Variants in TTC7B observed in about 807,000 individuals in gnomAD.
TTC7B encodes tetratricopeptide repeat domain 7B.
TTC7B carries 28 observed loss-of-function variants against 106.8 expected under a neutral mutation model. The observed-to-expected ratio is 0.26, with a 90% CI of 0.19 to 0.36. TTC7B has a LOEUF of 0.36. Ranked by LOEUF, TTC7B falls within the 10% of genes least tolerant of loss-of-function variation. The pLI is 1.00. For missense variants in TTC7B, 862 were observed against 1,076.4 expected (o/e 0.80, Z 2.79); for synonymous variants, 405 against 430.6 (o/e 0.94, Z 0.74).
At chr14:90,783,622 G>C (rs1309532691) in intron 2 of TTC7B, among the ~76,000 whole-genome samples, 1 of 152,170 alleles carries the variant, frequency 6.6e-6, no homozygotes, top group Non-Finnish European at 1.5e-5. Flanking sequence ...ACTGGACTCA[G>C]ACTCAAGCAT....
At chr14:90,687,115 A>G (rs919039083) in intron 7 of TTC7B, among the ~76,000 whole-genome samples, 3 of 152,172 alleles carry the variant, frequency 2.0e-5, no homozygotes, top group Non-Finnish European at 4.4e-5. Flanking sequence ...AAATGTTCCA[A>G]TCATGGCGAT....
At chr14:90,587,822 C>A (rs1028331102) in intron 18 of TTC7B, among the ~76,000 whole-genome samples, 3 of 152,174 alleles carry the variant, frequency 2.0e-5, no homozygotes, top group African/African-American at 7.2e-5. Context: ...GGTTCTGGGG[C>A]CACACTGCTT....
chr14:90,603,441 T>C, intron 17 of TTC7B: 1 of 495,038 alleles, frequency 2.0e-6, no homozygotes, highest in East Asian at 7.4e-5. Flanking sequence ...ATATTTCCAT[T>C]CAAGAGTGGC....
chr14:90,779,862 G>A lies in TTC7B; in HGVS notation c.445+876C>T, dbSNP rs147361815. Among the ~76,000 whole-genome samples, 20 of 152,290 alleles carry A rather than the reference G, an allele frequency of 1.3e-4. 1 individual carries two copies. In the East Asian group the frequency reaches 3.9e-3, roughly 29 times the overall value. ...CTTCATGGCAGTGAGATATTTACAC[G>A]TTCTTCTTGTCCCTGAATAGGTACA... is the stretch of plus-strand genomic sequence containing the variant. On this transcript the variant is annotated intron_variant, in intron 3 of 19. Coordinates refer to ENST00000328459, the MANE Select transcript of TTC7B (RefSeq NM_001010854.2).
chr14:90,640,075 T>C (rs1171620846), intron 15 of TTC7B, among the ~76,000 whole-genome samples: 1 of 152,144 alleles, frequency 6.6e-6, no homozygotes, highest in Non-Finnish European at 1.5e-5. Context: ...GCTCAGGAGT[T>C]TGAGCCCAGC....
intron 3 of TTC7B, among the ~76,000 whole-genome samples, chr14:90,760,717 T>G (rs541205184): frequency 1.3e-5 from 2 of 152,246 alleles, no homozygotes; most frequent in African/African-American, 2.4e-5. Flanking sequence ...TGTTACTTGC[T>G]GGGGCCTTGC....
intron 15 of TTC7B, among the ~76,000 whole-genome samples, chr14:90,620,354 C>T (rs899565251): frequency 1.3e-5 from 2 of 152,142 alleles, no homozygotes; most frequent in Non-Finnish European, 2.9e-5. Context: ...GCTCAGGGTG[C>T]CTCTGTGGGG....
intron 17 of TTC7B, among the ~76,000 whole-genome samples, chr14:90,594,455 A>G (rs1011379557): frequency 1.3e-5 from 2 of 152,192 alleles, no homozygotes; most frequent in African/African-American, 4.8e-5. Context: ...CTCCTTAAAC[A>G]GAGGCTTGCT....
chr14:90,614,353 T>C (rs1197893869), intron 16 of TTC7B, among the ~76,000 whole-genome samples: 2 of 152,122 alleles, frequency 1.3e-5, no homozygotes, highest in East Asian at 3.9e-4. Flanking sequence ...AAGGATGAAA[T>C]GGGATCTCTG....
rs1163114081 is a variant in TTC7B at position 90,657,364 on chromosome 14, G to C, written c.1237-86C>G. 1 of 1,331,368 alleles carries C rather than the reference G, an allele frequency of 7.5e-7. No individual in the cohort carries two copies. Among genetic ancestry groups the C allele is most frequent in the Non-Finnish European group, 1.0e-6 (1 of 961,040 alleles). 82.5% of individuals were successfully genotyped at this position (1,331,368 alleles called of 1,614,324 possible). ...GCCTTCTCAGAGGGGTTTTTGGTCA[G>C]GGTGACCTCCTCGTGGGCTTGTCCA... is the stretch of plus-strand genomic sequence containing the variant. On this transcript the variant is annotated intron_variant, in intron 10 of 19. Transcript: ENST00000328459. The surrounding 1 kb of genome is among the most constrained non-coding windows in gnomAD (Gnocchi z 4.2).
At chr14:90,559,749 G>A (rs1890488243) in intron 19 of TTC7B, among the ~76,000 whole-genome samples, 2 of 152,196 alleles carry the variant, frequency 1.3e-5, no homozygotes, top group Non-Finnish European at 2.9e-5. Context: ...CTATATGCTG[G>A]GCAGGTGCTA....
Position 90,527,101 on chromosome 14 carries a change from A to G in TTC7B, c.*14267T>C, listed in dbSNP as rs555863836. The G allele has an allele frequency of 2.6e-5, 4 of 152,148 alleles. No homozygotes were observed. The highest frequency in any genetic ancestry group is 9.6e-5 in the African/African-American group (4 of 41,512). 9.4% of individuals were successfully genotyped at this position (152,148 alleles called of 1,614,324 possible). ...GTTTGTCTGATGTTTTCTCATGATTACACTGGAGTTATGGGTTTGGGGGAA... is the reference window on the plus strand; with the variant it reads ...GTTTGTCTGATGTTTTCTCATGATTGCACTGGAGTTATGGGTTTGGGGGAA... On this transcript the variant is annotated 3_prime_UTR_variant, in exon 20 of 20. Coordinates refer to ENST00000328459, the MANE Select transcript of TTC7B (RefSeq NM_001010854.2).
At position 90,729,808 on chromosome 14, in the gene TTC7B, C is replaced by A. The variant is rs140706223; in HGVS notation, c.698+267G>T. On this transcript the variant is annotated intron_variant, in intron 5 of 19. Transcript: ENST00000328459. ...ATGGGAAGGCATGGCTCCCATCAGG[C>A]CCACCCCACTGGTCTTGAGGCTGTG... Among the ~76,000 whole-genome samples, 177 of 152,274 alleles carry A rather than the reference C, an allele frequency of 1.2e-3. 1 individual carries two copies. Among genetic ancestry groups the A allele is most frequent in the African/African-American group, 4.0e-3 (165 of 41,556 alleles).
intron 3 of TTC7B, among the ~76,000 whole-genome samples, chr14:90,779,787 G>A (rs918909322): frequency 6.6e-6 from 1 of 152,190 alleles, no homozygotes; most frequent in Non-Finnish European, 1.5e-5. Flanking sequence ...TGTGCTTCCA[G>A]ACTTTTTCTT....
rs555956476 is a variant in TTC7B, at chr14:90,757,987, T to C, written c.446-13065A>G. Among the ~76,000 whole-genome samples, 5 of 152,152 alleles carry C rather than the reference T, an allele frequency of 3.3e-5. No individual in the cohort carries two copies. The highest frequency in any genetic ancestry group is 2.6e-4 in the Admixed American group (4 of 15,296). ...CTGTCAGCTTCTACGAGAGTCTCTA[T>C]AAATATGGTCTCAGAAAACAATAAA... On this transcript the variant is annotated intron_variant, in intron 3 of 19. Transcript: ENST00000328459. The surrounding 1 kb of genome is among the most constrained non-coding windows in gnomAD (Gnocchi z 4.1).
At chr14:90,739,523 C>T (rs1889675316) in intron 4 of TTC7B, among the ~76,000 whole-genome samples, 1 of 152,180 alleles carries the variant, frequency 6.6e-6, no homozygotes, top group East Asian at 1.9e-4. Flanking sequence ...GCCGGGAGAA[C>T]ATAATCCACT....
chr14:90,723,460 A>G (rs1888970252), intron 5 of TTC7B, among the ~76,000 whole-genome samples: 1 of 152,226 alleles, frequency 6.6e-6, no homozygotes, highest in South Asian at 2.1e-4. Flanking sequence ...TGGGTAAGCC[A>G]GACTGAGACA....
chr14:90,630,665 G>A (rs1286445), intron 15 of TTC7B, among the ~76,000 whole-genome samples: 2,394 of 152,068 alleles, frequency 0.016, 58 homozygotes, highest in African/African-American at 0.055. Flanking sequence ...CCCAGCCCTG[G>A]CAACCACCAT....
At chr14:90,746,339 T>C (rs147131107) in intron 3 of TTC7B, among the ~76,000 whole-genome samples, 57 of 152,354 alleles carry the variant, frequency 3.7e-4, no homozygotes, top group African/African-American at 1.3e-3. Context: ...TGTCCATTTC[T>C]TTTGAGTTGT....
Sources: gnomAD v4.1 joint callset for allele counts (sites outside exome capture counted in the v4.1 genomes callset) on GRCh38, gnomAD v4.1.1 for gene constraint, Gnocchi (gnomAD v3.1) non-coding constraint, MANE v1.5 for transcripts, NCBI Gene and HGNC (gene_info 2026-07-23, HGNC 2026-07-21) for gene names.